VIPAS39: variants seen among roughly 807,000 people sequenced by gnomAD.
VIPAS39 encodes the protein spermatogenesis-defective protein 39 homolog.
Under a neutral mutation model 84.7 loss-of-function variants are expected in VIPAS39, and 63 were observed. That is an observed-to-expected ratio of 0.74 (90% CI 0.61 to 0.92). The LOEUF (loss-of-function observed/expected upper bound fraction) is 0.92. VIPAS39 is among the 40% of genes least tolerant of loss of function. The pLI, the probability that VIPAS39 is intolerant of heterozygous loss-of-function variation, is 0.00. For synonymous variants in VIPAS39, 192 were observed against 216.5 expected (o/e 0.89, Z 0.99); for missense variants, 499 against 604.5 (o/e 0.83, Z 1.83).
chr14:77,438,222 G>GA (rs1215046723), intron 11 of VIPAS39, among the ~76,000 whole-genome samples: 5 of 135,098 alleles, frequency 3.7e-5, no homozygotes, highest in Admixed American at 9.5e-5. Context: ...CACAAATATG[G>GA]AAAATTTTTT....
intron 4 of VIPAS39, among the ~76,000 whole-genome samples, chr14:77,450,589 C>G (rs990895948): frequency 2.0e-5 from 3 of 152,230 alleles, no homozygotes; most frequent in African/African-American, 7.2e-5. Context: ...CGGTTCACTA[C>G]AACCTTTGCC....
chr14:77,441,398 A>G (rs533846242), intron 10 of VIPAS39, among the ~76,000 whole-genome samples: 1 of 152,030 alleles, frequency 6.6e-6, no homozygotes, highest in Non-Finnish European at 1.5e-5. Flanking sequence ...AGATTAAAGC[A>G]CTATTCTCTG....
At chr14:77,436,979 G>A (rs986967535) in intron 12 of VIPAS39, among the ~76,000 whole-genome samples, 6 of 152,334 alleles carry the variant, frequency 3.9e-5, no homozygotes, top group Admixed American at 3.3e-4. Context: ...GATAAAGAGA[G>A]ATGCTATAAA....
intron 8 of VIPAS39, among the ~76,000 whole-genome samples, chr14:77,444,023 A>G (rs949425123): frequency 6.7e-6 from 1 of 148,856 alleles, no homozygotes; most frequent in Non-Finnish European, 1.5e-5. Context: ...CCTGGGCAAC[A>G]GAGCAAGACC....
Position 77,449,380 on chromosome 14 carries a change from T to A in VIPAS39, c.383-23A>T, listed in dbSNP as rs749496157. 3 of 1,613,756 alleles carry A rather than the reference T, an allele frequency of 1.9e-6. No homozygotes were observed. In the South Asian group the frequency reaches 3.3e-5, roughly 18 times the overall value. On this transcript the variant is annotated intron_variant, in intron 5 of 19. Coordinates refer to ENST00000557658, the MANE Select transcript of VIPAS39 (RefSeq NM_001193315.2). Reference sequence around the variant, plus strand: ...GAGCTGAAAAAGAATAAGCAGCTGGTTCAGAAGGGCACCATGAATCCTGCT... The same window carrying A: ...GAGCTGAAAAAGAATAAGCAGCTGGATCAGAAGGGCACCATGAATCCTGCT...
intron 5 of VIPAS39, 144 bp from the exon 6 acceptor site, chr14:77,449,501 C>T (rs889093183): frequency 7.8e-7 from 1 of 1,281,686 alleles, no homozygotes; most frequent in Admixed American, 1.9e-5. Context: ...TCCGTTCTTC[C>T]CCAAAGACAG....
At chr14:77,454,543 G>A (rs1194097900) in intron 1 of VIPAS39, among the ~76,000 whole-genome samples, 5 of 151,990 alleles carry the variant, frequency 3.3e-5, no homozygotes, top group African/African-American at 7.2e-5. Flanking sequence ...GCATGGTGGC[G>A]CATGCCTGTA....
At chr14:77,450,004 TAGC>T in intron 4 of VIPAS39, among the ~76,000 whole-genome samples, 1 of 152,240 alleles carries the variant, frequency 6.6e-6, no homozygotes, top group Non-Finnish European at 1.5e-5. Flanking sequence ...TATAAGTCAG[TAGC>T]ATTAAGTACA....
intron 9 of VIPAS39, among the ~76,000 whole-genome samples, 173 bp downstream of exon 9, chr14:77,442,945 TC>T (rs926854353): frequency 2.6e-5 from 4 of 152,182 alleles, no homozygotes; most frequent in African/African-American, 9.7e-5. Context: ...AATGTAGTCA[TC>T]ACCCTAAAGG....
At position 77,454,027 on chromosome 14, in the gene VIPAS39, C is replaced by T. The variant is rs1284582921; in HGVS notation, c.76G>A (p.Asp26Asn). The part of the protein sequence containing the change: ...KFKAFTFDDE[D>N]DELSQLKESK... ...TGACCTACCTGTGAAAGCTCATCGT[C>T]TTCATCGTCAAAGGTAAAAGCCTTG... Residue 26 changes from aspartate (D) to asparagine (N), a missense_variant, in exon 2 of 20, where the codon GAC becomes AAC. Physicochemically the swap from Asp to Asn is conservative, Grantham distance 23. Coordinates refer to ENST00000557658, the MANE Select transcript of VIPAS39 (RefSeq NM_001193315.2). 3.7e-6 allele frequency: 6 copies of T among 1,614,018 alleles called. No homozygotes were observed. The highest frequency in any genetic ancestry group is 1.3e-5 in the African/African-American group (1 of 74,922).
chr14:77,435,986 A>G, intron 12 of VIPAS39, 67 bp from the exon 13 acceptor site: 1 of 1,521,374 alleles, frequency 6.6e-7, no homozygotes, highest in Non-Finnish European at 9.1e-7. Context: ...AACTAAACCA[A>G]ATCGCCAGCA....
intron 4 of VIPAS39, among the ~76,000 whole-genome samples, chr14:77,450,748 A>T (rs902423052): frequency 2.0e-5 from 3 of 152,166 alleles, no homozygotes; most frequent in African/African-American, 7.2e-5. Flanking sequence ...ACCTCAGGTG[A>T]TCCACCTGCC....
At chr14:77,453,463 C>A in intron 2 of VIPAS39, 62 bp from the exon 3 acceptor site, 1 of 1,516,368 alleles carries the variant, frequency 6.6e-7, no homozygotes, top group African/African-American at 1.4e-5. Flanking sequence ...TCTCTTCTGA[C>A]AATCAAGAAG....
chr14:77,452,921 C>T (rs747068210), intron 3 of VIPAS39, among the ~76,000 whole-genome samples: 1 of 152,072 alleles, frequency 6.6e-6, no homozygotes, highest in East Asian at 1.9e-4. Flanking sequence ...TCAGTAGTTC[C>T]CAAATATGGC....
Position 77,457,569 on chromosome 14 carries a change from C to G in VIPAS39, c.-75G>C. ...CGCTGGACCAGCCCTTCTATTCAGG[C>G]TGTGCAGCTTAGAGAAGGGGGCGGA... On this transcript the variant is annotated 5_prime_UTR_variant, in exon 1 of 20. Transcript: ENST00000557658. 6.5e-6 allele frequency: 4 copies of G among 617,630 alleles called. No individual in the cohort carries two copies. The South Asian group carries it at 7.9e-5, about 12-fold the overall frequency. 38.3% of individuals were successfully genotyped at this position (617,630 alleles called of 1,614,324 possible).
chr14:77,446,722 A>C (rs1037435035), intron 7 of VIPAS39, among the ~76,000 whole-genome samples: 3 of 152,184 alleles, frequency 2.0e-5, no homozygotes, highest in Non-Finnish European at 4.4e-5. Flanking sequence ...AATAATCAAG[A>C]CTGTAGTATT....
intron 3 of VIPAS39, among the ~76,000 whole-genome samples, chr14:77,452,882 T>C (rs1474569424): frequency 2.6e-5 from 4 of 152,006 alleles, no homozygotes; most frequent in Admixed American, 2.0e-4. Flanking sequence ...GTCCGTTCTG[T>C]CAATCAGTTA....
intron 19 of VIPAS39, among the ~76,000 whole-genome samples, chr14:77,427,967 G>A (rs2078456213): frequency 6.6e-6 from 1 of 152,124 alleles, no homozygotes; most frequent in Middle Eastern, 3.2e-3. Flanking sequence ...CGAACCAGCT[G>A]TGCTCCCCAG....
chr14:77,453,212 C>G, intron 3 of VIPAS39, 87 bp downstream of exon 3: 2 of 1,307,580 alleles, frequency 1.5e-6, no homozygotes, highest in Non-Finnish European at 2.2e-6. Context: ...CCTCTCCTAA[C>G]TAGCATTGAA....
Sources: gnomAD v4.1 joint callset for allele counts (sites outside exome capture counted in the v4.1 genomes callset) on GRCh38, gnomAD v4.1.1 for gene constraint, MANE v1.5 for transcripts, NCBI Gene and HGNC (gene_info 2026-07-23, HGNC 2026-07-21) for gene names.